The following RAPGEF2 variants were observed in gnomAD, a reference collection of about 807,000 sequenced individuals.
The protein encoded by RAPGEF2 is Rap guanine nucleotide exchange factor 2.
A neutral mutation model predicts 186.7 loss-of-function variants in RAPGEF2; 54 were observed. The ratio of observed to expected loss-of-function variants is 0.29; its 90% CI spans 0.23 to 0.36. RAPGEF2 has a LOEUF of 0.36. Ranked by LOEUF, RAPGEF2 falls within the 10% of genes least tolerant of loss-of-function variation. The pLI is 1.00. For synonymous variants in RAPGEF2, 712 were observed against 705.9 expected (o/e 1.01, Z -0.14); for missense variants, 1,532 against 2,045.0 (o/e 0.75, Z 4.84).
intron 1 of RAPGEF2, among the ~76,000 whole-genome samples, chr4:159,182,386 C>CT (rs575743979): frequency 0.037 from 3,181 of 85,664 alleles, 267 homozygotes; most frequent in East Asian, 0.076. Context: ...TTCTTTTCTT[C>CT]TTTTTTTTTT....
chr4:159,347,849 T>G (rs1438962824), intron 25 of RAPGEF2, among the ~76,000 whole-genome samples: 1 of 152,140 alleles, frequency 6.6e-6, no homozygotes, highest in African/African-American at 2.4e-5. Context: ...CACAATAATT[T>G]TTCATAAAAT....
intron 17 of RAPGEF2, among the ~76,000 whole-genome samples, chr4:159,337,910 A>AAG (rs1554040113): frequency 0.013 from 1,910 of 142,276 alleles, 17 homozygotes; most frequent in African/African-American, 0.04. Context: ...AAAAAAAAAA[A>AAG]AAAGAAAGAA....
At chr4:159,252,433 G>C (rs944766221) in intron 7 of RAPGEF2, among the ~76,000 whole-genome samples, 7 of 152,152 alleles carry the variant, frequency 4.6e-5, no homozygotes, top group Non-Finnish European at 1.0e-4. Flanking sequence ...TTTAGAAAGG[G>C]ATCATTTTGC....
At chr4:159,132,961 C>T (rs1741273782) in intron 1 of RAPGEF2, among the ~76,000 whole-genome samples, 1 of 151,808 alleles carries the variant, frequency 6.6e-6, no homozygotes, top group Admixed American at 6.6e-5. Flanking sequence ...TCTCCCACAC[C>T]TGCCTAACTC....
Position 159,346,873 on chromosome 4 carries a change from A to G in RAPGEF2, c.3587A>G (p.Gln1196Arg). The part of the protein sequence containing the change: ...APRAGSQQKA[Q>R]SLPQPQQQPP... ...AGGGCAGGGTCACAACAGAAAGCTC[A>G]GTCCCTGCCACAGCCCCAGCAGCAG... is the stretch of plus-strand genomic sequence containing the variant. The change falls in exon 25 of 30, where the codon CAG becomes CGG. Residue 1196 changes from glutamine to arginine, a missense_variant. By Grantham distance (43) the Gln-to-Arg change is conservative. Transcript: ENST00000691494. The G allele has an allele frequency of 6.2e-7, 1 of 1,614,100 alleles. No individual in the cohort carries two copies. The highest frequency in any genetic ancestry group is 8.5e-7 in the Non-Finnish European group (1 of 1,179,920).
chr4:159,124,224 TC>T (rs1395877812), intron 1 of RAPGEF2, among the ~76,000 whole-genome samples: 2 of 152,102 alleles, frequency 1.3e-5, no homozygotes, highest in African/African-American at 4.8e-5. Flanking sequence ...ATGAGAACTT[TC>T]AACTGATTTC....
rs60579601 is a variant in RAPGEF2 at position 159,154,519 on chromosome 4, T to TAAAA, written c.70-32118_70-32115dup. 4.7e-3 allele frequency among the ~76,000 whole-genome samples: 702 copies of TAAAA among 148,446 alleles called. 3 individuals are homozygous for TAAAA. Among genetic ancestry groups the TAAAA allele is most frequent in the African/African-American group, 0.017 (667 of 40,220 alleles). ...ACTCACATCACCTTTTTTTTTTTTT[T>TAAAA]AAAAAAAACAACCACCAAAAAACAA... On this transcript the variant is annotated intron_variant, in intron 1 of 29. Coordinates refer to ENST00000691494, the MANE Select transcript of RAPGEF2 (RefSeq NM_001394067.2).
intron 1 of RAPGEF2, among the ~76,000 whole-genome samples, chr4:159,173,811 A>G (rs762351314): frequency 6.6e-6 from 1 of 152,200 alleles, no homozygotes; most frequent in Non-Finnish European, 1.5e-5. Flanking sequence ...CAGCCTGCTA[A>G]CTTTTGATGG....
At chr4:159,176,181 T>G (rs1165523815) in intron 1 of RAPGEF2, among the ~76,000 whole-genome samples, 2 of 152,162 alleles carry the variant, frequency 1.3e-5, no homozygotes. Flanking sequence ...AGACTGCTGG[T>G]CATCATGTGG....
At chr4:159,288,272 GT>G (rs1437237305) in intron 7 of RAPGEF2, among the ~76,000 whole-genome samples, 1 of 152,120 alleles carries the variant, frequency 6.6e-6, no homozygotes, top group Non-Finnish European at 1.5e-5. Flanking sequence ...TGGAAATTTG[GT>G]TATCCACTCA....
chr4:159,139,314 A>G (rs1011657067), intron 1 of RAPGEF2, among the ~76,000 whole-genome samples: 3 of 152,218 alleles, frequency 2.0e-5, no homozygotes, highest in African/African-American at 7.2e-5. Context: ...GCACGAGTCA[A>G]ATGACAGACT....
chr4:159,146,309 A>T (rs1742953119), intron 1 of RAPGEF2, among the ~76,000 whole-genome samples: 1 of 152,082 alleles, frequency 6.6e-6, no homozygotes, highest in African/African-American at 2.4e-5. Context: ...ATTATGCCAT[A>T]AAAAATCAGA....
At chr4:159,292,708 A>C (rs1328850006) in intron 7 of RAPGEF2, among the ~76,000 whole-genome samples, 2 of 152,218 alleles carry the variant, frequency 1.3e-5, no homozygotes, top group Non-Finnish European at 2.9e-5. Context: ...CATCAAAATC[A>C]AACAATCAAG....
At position 159,182,386 on chromosome 4, in the gene RAPGEF2, C is replaced by CTTTTT. The variant is rs575743979; in HGVS notation, c.70-4233_70-4229dup. Among the ~76,000 whole-genome samples the CTTTTT allele has an allele frequency of 8.3e-4, 71 of 85,672 alleles. 1 individual carries two copies. Among genetic ancestry groups the CTTTTT allele is most frequent in the African/African-American group, 2.3e-3 (52 of 22,982 alleles). The allele number at this position is 85,672 out of a possible 152,430, so 56.2% of individuals were successfully genotyped here. On this transcript the variant is annotated intron_variant, in intron 1 of 29. Coordinates refer to ENST00000691494, the MANE Select transcript of RAPGEF2 (RefSeq NM_001394067.2). ...AAGCTTCCTAGTATTTTCTTTTCTT[C>CTTTTT]TTTTTTTTTTTTTTTTTTTTTTTTT...
Position 159,104,516 on chromosome 4 carries a change from G to C in RAPGEF2, c.69+285G>C, listed in dbSNP as rs1318732959. 2.7e-3 allele frequency among the ~76,000 whole-genome samples: 355 copies of C among 131,186 alleles called. 5 individuals are homozygous for C. Among genetic ancestry groups the C allele is most frequent in the African/African-American group, 0.011 (325 of 30,396 alleles). 86.1% of individuals were successfully genotyped at this position (131,186 alleles called of 152,430 possible). A position where few individuals can be genotyped will look rare whatever the true frequency, so the allele number is the denominator to read the frequency against. On this transcript the variant is annotated intron_variant, in intron 1 of 29. Transcript: ENST00000691494. ...AGAGAGAGAGAGAGAGAGAGAGAGA[G>C]AGAGAGAGAGGGAGAGACAGAGAGA...
chr4:159,251,243 A>C (rs773520710), intron 7 of RAPGEF2, among the ~76,000 whole-genome samples: 119 of 152,326 alleles, frequency 7.8e-4, no homozygotes, highest in Non-Finnish European at 1.5e-3. Context: ...GTGCTGCCTG[A>C]GCCTTCCCGA....
At chr4:159,242,921 G>A (rs1754179066) in intron 6 of RAPGEF2, among the ~76,000 whole-genome samples, 1 of 151,852 alleles carries the variant, frequency 6.6e-6, no homozygotes, top group Admixed American at 6.6e-5. Context: ...TATTTAAAAT[G>A]TAGCGTTAAA....
intron 1 of RAPGEF2, among the ~76,000 whole-genome samples, chr4:159,108,202 A>G (rs1403878547): frequency 6.6e-6 from 1 of 152,220 alleles, no homozygotes; most frequent in Non-Finnish European, 1.5e-5. Flanking sequence ...TGCAATATTG[A>G]TAGAACCTTA....
chr4:159,323,618 GTATAAAATATATCATTAAAAA>G lies in RAPGEF2; in HGVS notation c.1149+6_1149+26del. ...GAGAACAAAGGTGGATGACTGCCAGGTATAAAATATATCATTAAAAATATATATTTTATTCTTAATAAAGAA... is the reference window on the plus strand; with the variant it reads ...GAGAACAAAGGTGGATGACTGCCAGGTATATATTTTATTCTTAATAAAGAA... On this transcript the variant is annotated splice_donor_variant and splice_donor_5th_base_variant and intron_variant, in intron 11 of 29. Transcript: ENST00000691494. LOFTEE classifies it high-confidence loss of function. 10 of 1,503,538 alleles carry G rather than the reference GTATAAAATATATCATTAAAAA, an allele frequency of 6.7e-6. No homozygotes were observed. The highest frequency in any genetic ancestry group is 8.9e-6 in the Non-Finnish European group (10 of 1,122,670). 93.1% of individuals were successfully genotyped at this position (1,503,538 alleles called of 1,614,324 possible). A position where few individuals can be genotyped will look rare whatever the true frequency, so the allele number is the denominator to read the frequency against.
Sources: allele counts gnomAD v4.1 joint callset (sites outside exome capture counted in the v4.1 genomes callset), GRCh38; gene constraint gnomAD v4.1.1; transcripts MANE v1.5; gene names NCBI Gene and HGNC (gene_info 2026-07-23, HGNC 2026-07-21).